The following MIDEAS variants were observed in gnomAD, a reference collection of about 807,000 sequenced individuals.
MIDEAS encodes mitotic deacetylase-associated SANT domain protein.
In MIDEAS, 26 loss-of-function variants were observed where a neutral mutation model predicts 102.7. The ratio of observed to expected loss-of-function variants is 0.25; its 90% CI spans 0.19 to 0.35. The LOEUF (loss-of-function observed/expected upper bound fraction) is 0.35. MIDEAS is among the 10% of genes least tolerant of loss of function. The probability of loss-of-function intolerance (pLI) is 1.00; values close to 1 mark genes in which losing one functional copy is unlikely to be tolerated. For synonymous variants in MIDEAS, 585 were observed against 591.0 expected (o/e 0.99, Z 0.15); for missense variants, 1,231 against 1,435.6 (o/e 0.86, Z 2.30).
At chr14:73,768,340 C>A (rs1846201853) in intron 1 of MIDEAS, among the ~76,000 whole-genome samples, 1 of 152,058 alleles carries the variant, frequency 6.6e-6, no homozygotes, top group Non-Finnish European at 1.5e-5. Context: ...TCTGGACCCT[C>A]TGAAGCTTTC....
Position 73,720,691 on chromosome 14 carries a change from G to A in MIDEAS, c.2937+606C>T, listed in dbSNP as rs148819689. Among the ~76,000 whole-genome samples, 1,018 of 152,316 alleles carry A rather than the reference G, an allele frequency of 6.7e-3. 4 individuals carry two copies. Among genetic ancestry groups the A allele is most frequent in the Non-Finnish European group, 0.011 (738 of 68,028 alleles). ...AGTCTTGTTTCTTGGCCTGTGATAT[G>A]GTGGACAGAGCACTGCACTAGGAGT... On this transcript the variant is annotated intron_variant, in intron 11 of 12. Coordinates refer to ENST00000423556, the MANE Select transcript of MIDEAS (RefSeq NM_001367710.1).
upstream of MIDEAS, among the ~76,000 whole-genome samples, chr14:73,765,098 C>A (rs1254051262): frequency 6.6e-6 from 1 of 152,252 alleles, no homozygotes; most frequent in African/African-American, 2.4e-5. Flanking sequence ...TCCATGCCCT[C>A]TGCAGAACTA....
chr14:73,718,910 G>C lies in MIDEAS; in HGVS notation c.3233C>G (p.Ala1078Gly). 4.6e-6 allele frequency: 7 copies of C among 1,523,926 alleles called. No individual in the cohort carries two copies. The highest frequency in any genetic ancestry group is 6.1e-6 in the Non-Finnish European group (7 of 1,142,278). The allele number at this position is 1,523,926 out of a possible 1,614,324, so 94.4% of individuals were successfully genotyped here. A position where few individuals can be genotyped will look rare whatever the true frequency, so the allele number is the denominator to read the frequency against. Residue 1078 changes from alanine to glycine, a missense_variant, in exon 13 of 13, where the codon GCT (alanine) becomes GGT (glycine). Physicochemically the swap from Ala to Gly is moderately conservative, Grantham distance 60 (BLOSUM62 0). This residue lies in a region of MIDEAS where 71 missense variants were observed against 51.9 expected (regional missense o/e 1.37). Transcript: ENST00000423556. Reference protein sequence around the residue: ...AALRLKEKEAAAAAAAAHQQA... With the variant: ...AALRLKEKEAGAAAAAAHQQA... ...CTGGTGGGCGGCGGCGGCGGCAGCA[G>C]CGGCCTCTTTCTCCTTCAGCCTCAG...
chr14:73,737,243 A>G lies in MIDEAS; in HGVS notation c.1504T>C (p.Cys502Arg), dbSNP rs369051767. 3 of 1,614,050 alleles carry G rather than the reference A, an allele frequency of 1.9e-6. No individual in the cohort carries two copies. The highest frequency in any genetic ancestry group is 4.5e-5 in the East Asian group (2 of 44,874). ...GAAGGCTCAGAAAACTCCACCCCAC[A>G]CTTGGTAGTTGAGGCCAATACACTT... is the stretch of plus-strand genomic sequence containing the variant. The part of the protein sequence containing the change: ...RKSVLASTTK[C>R]GVEFSEPSLA... Residue 502 changes from cysteine to arginine, a missense_variant, in exon 3 of 13, where the codon TGT becomes CGT. Cys to Arg is a radical substitution (Grantham distance 180). Coordinates refer to ENST00000423556, the MANE Select transcript of MIDEAS (RefSeq NM_001367710.1).
At chr14:73,756,295 T>TGCGCGC (rs1555344807) in intron 1 of MIDEAS, among the ~76,000 whole-genome samples, 16,899 of 127,426 alleles carry the variant, frequency 0.13, 1,277 homozygotes, top group Admixed American at 0.19. Context: ...TGTGTGTGTG[T>TGCGCGC]GCGCGCGCGC....
At chr14:73,774,973 CA>C (rs1566609938) in intron 1 of MIDEAS, among the ~76,000 whole-genome samples, 3 of 152,162 alleles carry the variant, frequency 2.0e-5, no homozygotes, top group African/African-American at 4.8e-5. Flanking sequence ...CAGCATCCTG[CA>C]GGGGGGAAGT....
At chr14:73,763,224 GC>G (rs2053567688), upstream of MIDEAS, among the ~76,000 whole-genome samples, 2 of 152,166 alleles carry the variant, frequency 1.3e-5, no homozygotes, top group South Asian at 4.1e-4. Flanking sequence ...TGTGGTCCCA[GC>G]TACTCAAGAG....
intron 1 of MIDEAS, among the ~76,000 whole-genome samples, chr14:73,782,947 T>G (rs2053769582): frequency 6.6e-6 from 1 of 152,176 alleles, no homozygotes; most frequent in African/African-American, 2.4e-5. Flanking sequence ...CGGCCTTTGG[T>G]GCTTGGCTTG....
At chr14:73,790,058 C>T (rs761361808), upstream of MIDEAS, 3 of 152,194 alleles carry the variant, frequency 2.0e-5, no homozygotes. Context: ...GGAAGAAAGG[C>T]TTGTGGTCCT....
rs1288409140 is a variant in MIDEAS, at chr14:73,715,160, T to C, written c.*3683A>G. ...CCTTATTTAATAAAAGGTTTAAAGATACAGAAGAACATTCAAAAGTAAATA... is the reference window on the plus strand; with the variant it reads ...CCTTATTTAATAAAAGGTTTAAAGACACAGAAGAACATTCAAAAGTAAATA... On this transcript the variant is annotated 3_prime_UTR_variant, in exon 13 of 13. Transcript: ENST00000423556. 1 of 152,628 alleles carries C rather than the reference T, an allele frequency of 6.6e-6. No individual in the cohort carries two copies. The highest frequency in any genetic ancestry group is 1.5e-5 in the Non-Finnish European group (1 of 68,026). The allele number at this position is 152,628 out of a possible 1,614,324, so 9.5% of individuals were successfully genotyped here. A position where few individuals can be genotyped will look rare whatever the true frequency, so the allele number is the denominator to read the frequency against.
At chr14:73,765,425 C>G (rs972168402) in intron 1 of MIDEAS, among the ~76,000 whole-genome samples, 4 of 152,184 alleles carry the variant, frequency 2.6e-5, no homozygotes, top group African/African-American at 9.7e-5. Context: ...CTTACTTAAA[C>G]AGTGTCTGGC....
chr14:73,737,773 CTT>C (rs5809628), intron 2 of MIDEAS, among the ~76,000 whole-genome samples: 1,154 of 89,126 alleles, frequency 0.013, 8 homozygotes, highest in African/African-American at 0.039. Context: ...TCTCCGACCA[CTT>C]TTTTTTTTTT....
intron 11 of MIDEAS, among the ~76,000 whole-genome samples, chr14:73,720,567 A>T (rs898294175): frequency 2.6e-5 from 4 of 152,112 alleles, no homozygotes; most frequent in Non-Finnish European, 4.4e-5. Context: ...ATTTCTAAAA[A>T]AAAAGACTCT....
intron 5 of MIDEAS, 67 bp downstream of exon 5, chr14:73,727,391 C>T: frequency 1.4e-5 from 21 of 1,548,722 alleles, no homozygotes; most frequent in Non-Finnish European, 1.9e-5. Context: ...GCTCCCAGGG[C>T]CCACCTGCAC....
intron 3 of MIDEAS, among the ~76,000 whole-genome samples, chr14:73,730,723 T>TGG (rs560390446): frequency 1.3e-5 from 2 of 148,946 alleles, no homozygotes; most frequent in African/African-American, 5.0e-5. Flanking sequence ...GAGGTCGAGG[T>TGG]GGGGGGGAGG....
intron 3 of MIDEAS, 38 bp from the exon 4 acceptor site, chr14:73,730,023 C>G: frequency 6.3e-7 from 1 of 1,595,348 alleles, no homozygotes; most frequent in Non-Finnish European, 8.6e-7. Flanking sequence ...CTCAGCCCCC[C>G]GTGTCCCAGA....
At position 73,725,481 on chromosome 14, in the gene MIDEAS, G is replaced by T; in HGVS notation, c.2486-121C>A. On this transcript the variant is annotated intron_variant, in intron 8 of 12. Coordinates refer to ENST00000423556, the MANE Select transcript of MIDEAS (RefSeq NM_001367710.1). The surrounding 1 kb of genome is among the most constrained non-coding windows in gnomAD (Gnocchi z 4.1). The stretch of plus-strand genomic sequence containing the variant: ...CATGGTTTCTGCAGGCATCAGAGCC[G>T]GCTCCTCGTCCCACTTCCATGTGCC... 2.7e-6 allele frequency: 2 copies of T among 742,700 alleles called. No homozygotes were observed. The highest frequency in any genetic ancestry group is 2.3e-6 in the Non-Finnish European group (1 of 430,408). 46.0% of individuals were successfully genotyped at this position (742,700 alleles called of 1,614,324 possible). A position where few individuals can be genotyped will look rare whatever the true frequency, so the allele number is the denominator to read the frequency against.
Position 73,742,899 on chromosome 14 carries a change from G to A in MIDEAS, c.-247-2644C>T, listed in dbSNP as rs1463887624. Among the ~76,000 whole-genome samples, 1 of 152,154 alleles carries A rather than the reference G, an allele frequency of 6.6e-6. No homozygotes were observed. The highest frequency in any genetic ancestry group is 1.5e-5 in the Non-Finnish European group (1 of 68,024). Reference sequence around the variant, plus strand: ...AGTAGTCATAGGAGTAATGATGATGGTGATGGTGCACCCGTGCCAGGCAGA... The same window carrying A: ...AGTAGTCATAGGAGTAATGATGATGATGATGGTGCACCCGTGCCAGGCAGA... On this transcript the variant is annotated intron_variant, in intron 1 of 12. Coordinates refer to ENST00000423556, the MANE Select transcript of MIDEAS (RefSeq NM_001367710.1). The surrounding 1 kb of genome is among the most constrained non-coding windows in gnomAD (Gnocchi z 4.4).
intron 1 of MIDEAS, among the ~76,000 whole-genome samples, chr14:73,769,274 G>A (rs1029167548): frequency 3.3e-5 from 5 of 152,216 alleles, no homozygotes; most frequent in Non-Finnish European, 5.9e-5. Flanking sequence ...AGGACTTGCC[G>A]TTTCCCAACA....
Sources: allele counts gnomAD v4.1 joint callset (sites outside exome capture counted in the v4.1 genomes callset), GRCh38; gene constraint gnomAD v4.1.1; regional missense constraint gnomAD v4.1.1; non-coding constraint Gnocchi (gnomAD v3.1); transcripts MANE v1.5; gene names NCBI Gene and HGNC (gene_info 2026-07-23, HGNC 2026-07-21).